Variants in LY96 observed in about 807,000 individuals in gnomAD.
LY96 encodes the protein lymphocyte antigen 96, also known as myeloid differentiation protein-2.
In LY96, 18 loss-of-function variants were observed where a neutral mutation model predicts 18.9. The ratio of observed to expected loss-of-function variants is 0.95; its 90% confidence interval spans 0.66 to 1.41. The LOEUF is 1.41. LY96 is among the 40% of genes most tolerant of loss of function. The pLI is 0.00. For synonymous variants in LY96, 66 were observed against 62.6 expected, an observed-to-expected ratio of 1.06 and a Z score of -0.26; for missense variants, 175 against 182.4, an observed-to-expected ratio of 0.96 and a Z score of 0.23.
the LY96 span, among the ~76,000 whole-genome samples, chr8:74,097,799 C>A: frequency 1.1e-3 from 172 of 152,288 alleles, no homozygotes; most frequent in African/African-American, 3.8e-3. Flanking sequence ...GTGTGGTCTT[C>A]AGACCAGCAT....
At chr8:73,996,317 T>TTTCCTTCCTTCC (rs58734426) in intron 1 of LY96, among the ~76,000 whole-genome samples, 1,485 of 116,342 alleles carry the variant, frequency 0.013, 28 homozygotes, top group Admixed American at 0.02. Flanking sequence ...ACCTGTTTCT[T>TTTCCTTCCTTCC]TTCCTTCCTT....
the LY96 span, among the ~76,000 whole-genome samples, chr8:74,081,746 T>A: frequency 6.6e-6 from 1 of 152,202 alleles, no homozygotes; most frequent in East Asian, 1.9e-4. Flanking sequence ...CTCTGCCTCC[T>A]GGGTTCAAGA....
At chr8:74,007,273 G>T (rs1166832926) in intron 2 of LY96, among the ~76,000 whole-genome samples, 5 of 152,202 alleles carry the variant, frequency 3.3e-5, no homozygotes, top group Non-Finnish European at 7.3e-5. Flanking sequence ...CAGGCTGTCT[G>T]CCAGCTACTC....
intron 1 of LY96, among the ~76,000 whole-genome samples, chr8:73,997,531 G>T (rs1816175974): frequency 6.6e-6 from 1 of 152,150 alleles, no homozygotes; most frequent in Non-Finnish European, 1.5e-5. Flanking sequence ...CAATTAGAGT[G>T]AAATCTCAAC....
At chr8:74,075,594 C>A in the LY96 span, among the ~76,000 whole-genome samples, 1 of 152,046 alleles carries the variant, frequency 6.6e-6, no homozygotes, top group African/African-American at 2.4e-5. Flanking sequence ...TTTGGTGACA[C>A]CAGCAACTTA....
chr8:74,034,155 T>G, the LY96 span, among the ~76,000 whole-genome samples: 1 of 152,284 alleles, frequency 6.6e-6, no homozygotes, highest in South Asian at 2.1e-4. Flanking sequence ...GGTGGATCAC[T>G]TGAGGCCAGA....
the LY96 span, among the ~76,000 whole-genome samples, chr8:74,042,461 C>T: frequency 6.6e-6 from 1 of 151,884 alleles, no homozygotes; most frequent in Non-Finnish European, 1.5e-5. Flanking sequence ...GTGGAGGTTG[C>T]AGTGAGCAAC....
the LY96 span, among the ~76,000 whole-genome samples, chr8:74,038,300 A>G: frequency 6.6e-6 from 1 of 152,116 alleles, no homozygotes; most frequent in Non-Finnish European, 1.5e-5. Context: ...CATCTTTTAA[A>G]CTATTTTTTT....
At chr8:74,067,952 T>G in the LY96 span, among the ~76,000 whole-genome samples, 1 of 148,336 alleles carries the variant, frequency 6.7e-6, no homozygotes, top group African/African-American at 2.5e-5. Context: ...TCCCAGCTAC[T>G]AGGGAGGCTG....
chr8:74,089,912 C>T, the LY96 span, among the ~76,000 whole-genome samples: 2 of 151,430 alleles, frequency 1.3e-5, no homozygotes, highest in South Asian at 4.1e-4. Context: ...GGCCCCGTGG[C>T]TTCCTAAGTT....
At position 74,029,067 on chromosome 8, in the gene LY96, A is replaced by T; in HGVS notation, c.*13A>T. 1 of 1,509,026 alleles carries T rather than the reference A, an allele frequency of 6.6e-7. No homozygotes were observed. Among genetic ancestry groups the T allele is most frequent in the Non-Finnish European group, 9.2e-7 (1 of 1,087,988 alleles). 93.5% of individuals were successfully genotyped at this position (1,509,026 alleles called of 1,614,324 possible). On this transcript the variant is annotated 3_prime_UTR_variant, in exon 5 of 5. Coordinates refer to ENST00000284818, the MANE Select transcript of LY96 (RefSeq NM_015364.5). Reference sequence around the variant, plus strand: ...TAATTCAAATTAGAATAAATTGAGTATTTAAAAAAAAATTTAAAGGTATTG... The same window carrying T: ...TAATTCAAATTAGAATAAATTGAGTTTTTAAAAAAAAATTTAAAGGTATTG...
chr8:74,003,511 T>A (rs923227958), intron 1 of LY96, among the ~76,000 whole-genome samples: 4 of 152,254 alleles, frequency 2.6e-5, no homozygotes, highest in African/African-American at 9.6e-5. Flanking sequence ...GTTTATCTCA[T>A]AACCTTCACC....
intron 1 of LY96, among the ~76,000 whole-genome samples, chr8:73,996,030 CACTCACCAGTAGTATAGCCCAGCT>C (rs1816119357): frequency 6.6e-6 from 1 of 152,116 alleles, no homozygotes; most frequent in Admixed American, 6.6e-5. Flanking sequence ...GATGTGATGG[CACTCACCAGTAGTATAGCCCAGCT>C]ACTCAGGAGG....
At chr8:74,010,262 T>C in intron 3 of LY96, 133 bp downstream of exon 3, 2 of 784,980 alleles carry the variant, frequency 2.5e-6, no homozygotes, top group Admixed American at 2.4e-5. Context: ...GTTTTTACTT[T>C]AGCAGCTTAA....
rs987800190 is a variant in LY96, at chr8:73,991,620, C to T, written c.112+66C>T. On this transcript the variant is annotated intron_variant, in intron 1 of 4. Coordinates refer to ENST00000284818, the MANE Select transcript of LY96 (RefSeq NM_015364.5). ...TTTTGAGGGTAAGTTTTCACGAGAA[C>T]CGTACACTGTTGTGGCTGGAACACA... The T allele has an allele frequency of 1.8e-5, 17 of 927,096 alleles. No individual in the cohort carries two copies. The African/African-American group carries it at 2.6e-4, about 14-fold the overall frequency. 57.4% of individuals were successfully genotyped at this position (927,096 alleles called of 1,614,324 possible).
the LY96 span, among the ~76,000 whole-genome samples, chr8:74,041,405 G>A: frequency 9.7e-3 from 1,472 of 152,176 alleles, 75 homozygotes; most frequent in Admixed American, 0.075. Context: ...CAGAATAACC[G>A]CAATTTTCAG....
At chr8:74,000,110 G>C (rs1816233169) in intron 1 of LY96, among the ~76,000 whole-genome samples, 1 of 152,122 alleles carries the variant, frequency 6.6e-6, no homozygotes, top group Non-Finnish European at 1.5e-5. Flanking sequence ...CTATCTTAAT[G>C]ATCTATGAAA....
chr8:74,091,529 G>A, the LY96 span, among the ~76,000 whole-genome samples: 19 of 152,324 alleles, frequency 1.2e-4, no homozygotes, highest in South Asian at 6.2e-4. Flanking sequence ...AGCTGTAGGC[G>A]TCTGAGGATG....
chr8:73,996,158 T>G (rs1389125407), intron 1 of LY96, among the ~76,000 whole-genome samples: 2 of 152,144 alleles, frequency 1.3e-5, no homozygotes, highest in African/African-American at 4.8e-5. Flanking sequence ...AGAGCAAGAC[T>G]GAACCTAGCT....
Sources: allele counts gnomAD v4.1 joint callset (sites outside exome capture counted in the v4.1 genomes callset), GRCh38; gene constraint gnomAD v4.1.1; transcripts MANE v1.5; gene names NCBI Gene and HGNC (gene_info 2026-07-23, HGNC 2026-07-21).